The following NBAS variants were observed in gnomAD, a reference collection of about 807,000 sequenced individuals.
NBAS encodes the protein NBAS subunit of NRZ tethering complex, also known as NAG/BC035112 fusion.
In NBAS, 219 loss-of-function variants were observed where a neutral mutation model predicts 302.5. The ratio of observed to expected loss-of-function variants is 0.72; its 90% CI spans 0.65 to 0.81. The LOEUF (loss-of-function observed/expected upper bound fraction) is 0.81, where lower values mean the gene tolerates loss of function less well. NBAS is among the 30% of genes least tolerant of loss of function. The probability of loss-of-function intolerance (pLI) is 0.00; values close to 1 mark genes in which losing one functional copy is unlikely to be tolerated. For synonymous variants in NBAS, 1,118 were observed against 1,021.6 expected (o/e 1.09, Z -1.80); for missense variants, 2,932 against 2,841.6 (o/e 1.03, Z -0.72).
chr2:15,035,094 T>C, the NBAS span, among the ~76,000 whole-genome samples: 4 of 151,624 alleles, frequency 2.6e-5, no homozygotes, highest in African/African-American at 9.7e-5. Context: ...CCTCTGCTGA[T>C]GAGTATTTAA....
At chr2:14,970,115 CT>C in the NBAS span, among the ~76,000 whole-genome samples, 2 of 152,102 alleles carry the variant, frequency 1.3e-5, no homozygotes, top group South Asian at 4.1e-4. Flanking sequence ...CTAAAATAAA[CT>C]TTTAGAAAAA....
chr2:14,816,788 T>C, the NBAS span, among the ~76,000 whole-genome samples: 2 of 152,212 alleles, frequency 1.3e-5, no homozygotes, highest in Non-Finnish European at 2.9e-5. Flanking sequence ...AAGATCATGT[T>C]ATATTTATTC....
chr2:15,427,634 A>T, intron 22 of NBAS, 77 bp downstream of exon 22: 1 of 1,222,006 alleles, frequency 8.2e-7, no homozygotes, highest in Non-Finnish European at 1.2e-6. Flanking sequence ...TTCATTGGTC[A>T]GACACCACTT....
At chr2:15,374,784 C>T in intron 30 of NBAS, 64 bp from the exon 31 acceptor site, 1 of 1,301,094 alleles carries the variant, frequency 7.7e-7, no homozygotes, top group South Asian at 1.2e-5. Context: ...ATACTCAACA[C>T]CATGAGATCT....
intron 11 of NBAS, among the ~76,000 whole-genome samples, chr2:15,498,026 C>T (rs1186557872): frequency 3.9e-5 from 6 of 152,200 alleles, no homozygotes; most frequent in African/African-American, 1.2e-4. Flanking sequence ...CCTAGATACA[C>T]TATACCTTTC....
intron 26 of NBAS, among the ~76,000 whole-genome samples, chr2:15,398,188 G>A (rs1675968556): frequency 6.6e-6 from 1 of 152,028 alleles, no homozygotes; most frequent in South Asian, 2.1e-4. Flanking sequence ...CTGTCACCTA[G>A]GCTGGAATGC....
intron 47 of NBAS, among the ~76,000 whole-genome samples, chr2:15,223,705 T>C (rs540989274): frequency 1.3e-5 from 2 of 151,988 alleles, no homozygotes; most frequent in African/African-American, 4.8e-5. Flanking sequence ...GGTGCGTGCC[T>C]GTAATCCCAG....
At chr2:15,400,804 C>T (rs1676113958) in intron 26 of NBAS, among the ~76,000 whole-genome samples, 1 of 152,168 alleles carries the variant, frequency 6.6e-6, no homozygotes, top group Admixed American at 6.5e-5. Context: ...CACATTTTGT[C>T]TTCCTAAATG....
chr2:15,395,678 C>A (rs2148413695), intron 27 of NBAS, among the ~76,000 whole-genome samples: 1 of 152,118 alleles, frequency 6.6e-6, no homozygotes, highest in Middle Eastern at 3.4e-3. Flanking sequence ...ATCATACATA[C>A]TACTATTAGT....
At chr2:15,238,790 G>T in intron 44 of NBAS, 104 bp from the exon 45 acceptor site, 1 of 1,008,568 alleles carries the variant, frequency 9.9e-7, no homozygotes, top group Non-Finnish European at 1.4e-6. Flanking sequence ...TTGTATATAT[G>T]ATTTTAACCA....
At chr2:15,439,305 T>TAAAAAA (rs74898089) in intron 21 of NBAS, among the ~76,000 whole-genome samples, 5 of 74,412 alleles carry the variant, frequency 6.7e-5, no homozygotes, top group East Asian at 7.5e-4. Flanking sequence ...CGGTCTCAAA[T>TAAAAAA]AAAAAAAAAA....
the NBAS span, among the ~76,000 whole-genome samples, chr2:15,098,524 G>A: frequency 1.2e-5 from 1 of 82,446 alleles, no homozygotes; most frequent in African/African-American, 5.7e-5. Flanking sequence ...TTGTATATAT[G>A]TTATATATTA....
the NBAS span, among the ~76,000 whole-genome samples, chr2:15,085,229 C>A: frequency 1.3e-5 from 2 of 152,130 alleles, no homozygotes; most frequent in African/African-American, 4.8e-5. Context: ...CTTTGGAGGC[C>A]CGGGGTGCAA....
chr2:15,171,440 T>C (rs571932637), intron 51 of NBAS, among the ~76,000 whole-genome samples: 6 of 152,338 alleles, frequency 3.9e-5, no homozygotes, highest in Non-Finnish European at 2.9e-5. Context: ...TTTTAAATTG[T>C]TTTTTACATA....
chr2:15,101,463 A>G, the NBAS span, among the ~76,000 whole-genome samples: 1 of 143,868 alleles, frequency 7.0e-6, no homozygotes, highest in Admixed American at 7.4e-5. Context: ...ACAAATATAG[A>G]TTACAATATA....
the NBAS span, among the ~76,000 whole-genome samples, chr2:14,915,146 T>C: frequency 2.0e-5 from 3 of 152,350 alleles, no homozygotes; most frequent in Admixed American, 2.0e-4. Flanking sequence ...AGACGGCAGA[T>C]ACAGGTGATG....
chr2:15,550,951 C>T (rs1461870988), intron 6 of NBAS, among the ~76,000 whole-genome samples: 1 of 152,092 alleles, frequency 6.6e-6, no homozygotes, highest in Non-Finnish European at 1.5e-5. Context: ...TCTGACACCC[C>T]CGATTAAGAA....
chr2:15,432,530 C>T (rs944700608), intron 21 of NBAS, among the ~76,000 whole-genome samples: 1 of 152,150 alleles, frequency 6.6e-6, no homozygotes, highest in East Asian at 1.9e-4. Flanking sequence ...TGTTTTATTT[C>T]AAAGAAATTT....
intron 31 of NBAS, among the ~76,000 whole-genome samples, chr2:15,372,195 C>T (rs145919168): frequency 1.9e-3 from 296 of 152,286 alleles, no homozygotes; most frequent in African/African-American, 6.4e-3. Flanking sequence ...ATGAAATATT[C>T]AAAGGCTGTT....
Sources: allele counts gnomAD v4.1 joint callset (sites outside exome capture counted in the v4.1 genomes callset), GRCh38; gene constraint gnomAD v4.1.1; transcripts MANE v1.5; gene names NCBI Gene and HGNC (gene_info 2026-07-23, HGNC 2026-07-21).